RNGTT: variants seen among roughly 807,000 people sequenced by gnomAD.
RNGTT encodes the protein RNA guanylyltransferase and 5'-phosphatase.
RNGTT carries 33 observed loss-of-function variants against 79.3 expected under a neutral mutation model. The ratio of observed to expected loss-of-function variants is 0.42; its 90% CI spans 0.32 to 0.56. The LOEUF (loss-of-function observed/expected upper bound fraction) is 0.56. Among genes scored for constraint, RNGTT ranks in the 20% least tolerant of loss-of-function variants. The pLI is 0.17. For missense variants in RNGTT, 497 were observed against 739.1 expected (o/e 0.67, Z 3.80); for synonymous variants, 222 against 235.9 (o/e 0.94, Z 0.54).
chr6:88,718,251 G>T (rs1463341196), intron 13 of RNGTT, among the ~76,000 whole-genome samples: 1 of 152,058 alleles, frequency 6.6e-6, no homozygotes, highest in African/African-American at 2.4e-5. Context: ...GCCGGGCGTA[G>T]TGGCACATGC....
chr6:88,689,681 G>GA (rs988042782), intron 13 of RNGTT, among the ~76,000 whole-genome samples: 1 of 150,684 alleles, frequency 6.6e-6, no homozygotes, highest in Non-Finnish European at 1.5e-5. Context: ...CTTAATACAT[G>GA]AAAAAATAAT....
Position 88,610,271 on chromosome 6 carries a change from C to G in RNGTT, c.*2448G>C, listed in dbSNP as rs931000304. 2.0e-5 allele frequency: 3 copies of G among 152,610 alleles called. No individual in the cohort carries two copies. Among genetic ancestry groups the G allele is most frequent in the African/African-American group, 7.2e-5 (3 of 41,434 alleles). 9.5% of individuals were successfully genotyped at this position (152,610 alleles called of 1,614,324 possible). ...GTAAAACAAAGTAGATACACTTATG[C>G]TAATTTAAATCAGTAGTTTTATTAC... On this transcript the variant is annotated 3_prime_UTR_variant, in exon 16 of 16. Transcript: ENST00000369485.
intron 14 of RNGTT, among the ~76,000 whole-genome samples, chr6:88,654,336 T>G (rs1471607277): frequency 1.3e-5 from 2 of 152,222 alleles, no homozygotes; most frequent in Non-Finnish European, 2.9e-5. Flanking sequence ...TCAACGACTA[T>G]GTCACACAGA....
At chr6:88,710,315 T>A (rs1409539212) in intron 13 of RNGTT, among the ~76,000 whole-genome samples, 1 of 152,244 alleles carries the variant, frequency 6.6e-6, no homozygotes, top group Non-Finnish European at 1.5e-5. Context: ...ACATATGTAT[T>A]TAAATATACT....
intron 11 of RNGTT, among the ~76,000 whole-genome samples, chr6:88,832,557 T>C (rs979534778): frequency 6.6e-6 from 1 of 151,916 alleles, no homozygotes; most frequent in Admixed American, 6.6e-5. Flanking sequence ...CCAAAAGCAA[T>C]GGAAATAAAA....
At chr6:88,856,616 A>G (rs1781853454) in intron 8 of RNGTT, among the ~76,000 whole-genome samples, 1 of 152,188 alleles carries the variant, frequency 6.6e-6, no homozygotes, top group South Asian at 2.1e-4. Flanking sequence ...ATTATTTAGC[A>G]CTTGGTATTT....
intron 12 of RNGTT, among the ~76,000 whole-genome samples, chr6:88,776,702 ATTTGTTTTTGT>A (rs1778899232): frequency 1.4e-5 from 2 of 147,424 alleles, no homozygotes; most frequent in South Asian, 2.1e-4. Flanking sequence ...TCCTTGGATT[ATTTGTTTTTGT>A]TTTGTTTTTT....
chr6:88,871,412 C>T (rs1220450239), intron 8 of RNGTT, among the ~76,000 whole-genome samples: 1 of 151,524 alleles, frequency 6.6e-6, no homozygotes, highest in Non-Finnish European at 1.5e-5. Flanking sequence ...TGAAAGTCCA[C>T]AAAATTATTT....
At chr6:88,768,029 A>C (rs1778523378) in intron 13 of RNGTT, among the ~76,000 whole-genome samples, 1 of 152,184 alleles carries the variant, frequency 6.6e-6, no homozygotes, top group Non-Finnish European at 1.5e-5. Flanking sequence ...CTTGGATTAT[A>C]ATCAGACTCA....
chr6:88,921,590 C>G (rs188463458), intron 4 of RNGTT, among the ~76,000 whole-genome samples: 22 of 152,174 alleles, frequency 1.4e-4, no homozygotes, highest in Admixed American at 7.2e-4. Context: ...TGGGGCAGTA[C>G]TCTCAAATTT....
intron 14 of RNGTT, among the ~76,000 whole-genome samples, chr6:88,637,226 T>G (rs1321767510): frequency 6.6e-6 from 1 of 152,104 alleles, no homozygotes; most frequent in African/African-American, 2.4e-5. Flanking sequence ...TTTCTTCCAT[T>G]CCCTCTCCTT....
At chr6:88,733,491 G>A (rs542395901) in intron 13 of RNGTT, among the ~76,000 whole-genome samples, 2 of 150,784 alleles carry the variant, frequency 1.3e-5, no homozygotes, top group African/African-American at 4.9e-5. Context: ...AATACCAAAA[G>A]GAGAAGAAAA....
chr6:88,916,889 G>C (rs1784017070), intron 4 of RNGTT, among the ~76,000 whole-genome samples: 1 of 152,192 alleles, frequency 6.6e-6, no homozygotes, highest in Admixed American at 6.5e-5. Flanking sequence ...CTTTGTGTAA[G>C]AGCATGTCCT....
chr6:88,776,096 G>A lies in RNGTT; in HGVS notation c.1339-6222C>T, dbSNP rs377616526. Among the ~76,000 whole-genome samples, 23 of 152,088 alleles carry A rather than the reference G, an allele frequency of 1.5e-4. No individual in the cohort carries two copies. The East Asian group carries it at 3.1e-3, about 20-fold the overall frequency. On this transcript the variant is annotated intron_variant, in intron 12 of 15. Coordinates refer to ENST00000369485, the MANE Select transcript of RNGTT (RefSeq NM_003800.5). The stretch of plus-strand genomic sequence containing the variant: ...TCATATATTAGTTTTGTTTTTAATC[G>A]TTTGAGGAGCCTCCATACTGTTTTC...
chr6:88,941,449 G>T (rs1784844553), intron 1 of RNGTT, among the ~76,000 whole-genome samples: 1 of 152,048 alleles, frequency 6.6e-6, no homozygotes, highest in Admixed American at 6.5e-5. Flanking sequence ...TGTGTTTTTA[G>T]TAGAGACAGG....
chr6:88,891,916 C>G lies in RNGTT; in HGVS notation c.685-1G>C. The G allele has an allele frequency of 1.3e-6, 2 of 1,528,116 alleles. No homozygotes were observed. Among genetic ancestry groups the G allele is most frequent in the Non-Finnish European group, 1.8e-6 (2 of 1,141,594 alleles). 94.7% of individuals were successfully genotyped at this position (1,528,116 alleles called of 1,614,324 possible). A position where few individuals can be genotyped will look rare whatever the true frequency, so the allele number is the denominator to read the frequency against. The stretch of plus-strand genomic sequence containing the variant: ...TAACACCTTCCAAGAAAATAGCGCC[C>G]TTTAAAAAAAAAATAAGAAAAATAA... On this transcript the variant is annotated splice_acceptor_variant, in intron 6 of 15. Transcript: ENST00000369485. LOFTEE classifies it high-confidence loss of function.
At chr6:88,652,043 T>C (rs1433532054) in intron 14 of RNGTT, among the ~76,000 whole-genome samples, 1 of 152,176 alleles carries the variant, frequency 6.6e-6, no homozygotes, top group East Asian at 1.9e-4. Flanking sequence ...AAATATCTTA[T>C]AATTTTTCAC....
intron 14 of RNGTT, among the ~76,000 whole-genome samples, chr6:88,666,724 A>G (rs1774425999): frequency 6.6e-6 from 1 of 152,234 alleles, no homozygotes; most frequent in African/African-American, 2.4e-5. Context: ...AAGCAGCTTC[A>G]TTAACCCACA....
chr6:88,726,244 A>G (rs560317717), intron 13 of RNGTT, among the ~76,000 whole-genome samples: 1 of 152,286 alleles, frequency 6.6e-6, no homozygotes, highest in East Asian at 1.9e-4. Context: ...CCTATCAAAA[A>G]TCCTTAACCC....
Sources: gnomAD v4.1 joint callset for allele counts (sites outside exome capture counted in the v4.1 genomes callset) on GRCh38, gnomAD v4.1.1 for gene constraint, MANE v1.5 for transcripts, NCBI Gene and HGNC (gene_info 2026-07-23, HGNC 2026-07-21) for gene names.